The following SOX6 variants were observed in gnomAD, a reference collection of about 807,000 sequenced individuals.
The protein encoded by SOX6 is transcription factor SOX-6.
Under a neutral mutation model 97.8 loss-of-function variants are expected in SOX6, and 11 were observed. That is an observed-to-expected ratio of 0.11 (90% CI 0.07 to 0.19). The LOEUF (loss-of-function observed/expected upper bound fraction) is 0.19. Among genes scored for constraint, SOX6 ranks in the 10% least tolerant of loss-of-function variants. SOX6 has a pLI of 1.00. For missense variants in SOX6, 810 were observed against 1,039.5 expected, an observed-to-expected ratio of 0.78 and a Z score of 3.04; for synonymous variants, 360 against 371.4, an observed-to-expected ratio of 0.97 and a Z score of 0.35.
At chr11:16,219,574 A>G (rs1203964248) in intron 4 of SOX6, among the ~76,000 whole-genome samples, 3 of 152,088 alleles carry the variant, frequency 2.0e-5, no homozygotes, top group African/African-American at 7.2e-5. Context: ...TGCACTCAGT[A>G]GTAATTACTA....
chr11:16,683,784 C>T (rs1274861979), intron 3 of SOX6, among the ~76,000 whole-genome samples: 12 of 152,126 alleles, frequency 7.9e-5, no homozygotes, highest in African/African-American at 2.4e-4. Flanking sequence ...AAACTATCAT[C>T]GGAGTGAGCA....
chr11:16,032,870 G>A (rs938954014), intron 12 of SOX6, among the ~76,000 whole-genome samples: 2 of 152,096 alleles, frequency 1.3e-5, no homozygotes, highest in Admixed American at 6.6e-5. Flanking sequence ...CAGCCTGCCT[G>A]TCCTTCCTTT....
chr11:16,342,573 T>C (rs976361295), intron 1 of SOX6, among the ~76,000 whole-genome samples: 1 of 151,902 alleles, frequency 6.6e-6, no homozygotes, highest in Admixed American at 6.6e-5. Context: ...ACAGTTAAAT[T>C]TACAAATCTG....
chr11:16,540,258 C>T (rs966083423), intron 4 of SOX6, among the ~76,000 whole-genome samples: 2 of 152,180 alleles, frequency 1.3e-5, no homozygotes, highest in African/African-American at 2.4e-5. Context: ...AGGCCTTCGA[C>T]GAAATTCAAC....
chr11:16,173,692 TAGAAA>T (rs1293503038), intron 6 of SOX6, among the ~76,000 whole-genome samples: 2 of 151,134 alleles, frequency 1.3e-5, no homozygotes, highest in Non-Finnish European at 3.0e-5. Flanking sequence ...GAAAAATTAC[TAGAAA>T]AGAAGTTTTA....
At chr11:16,221,268 G>A (rs1335424926) in intron 4 of SOX6, among the ~76,000 whole-genome samples, 1 of 152,006 alleles carries the variant, frequency 6.6e-6, no homozygotes, top group African/African-American at 2.4e-5. Context: ...AAACTTTGTA[G>A]TCATTGTATT....
chr11:16,358,673 G>T (rs935807505), upstream of SOX6, among the ~76,000 whole-genome samples: 31 of 152,120 alleles, frequency 2.0e-4, no homozygotes, highest in Non-Finnish European at 1.5e-4. Context: ...TTCCTTTCAA[G>T]TAGTAGATAT....
chr11:16,736,075 T>C, intron 2 of SOX6, among the ~76,000 whole-genome samples: 1 of 152,196 alleles, frequency 6.6e-6, no homozygotes, highest in East Asian at 1.9e-4. Flanking sequence ...CATTGCTGAG[T>C]TTCTAGGCCT....
In SOX6 at chr11:16,054,754, T is replaced by C. The variant is rs145142560; in HGVS notation, c.1251+998A>G. 3.9e-5 allele frequency among the ~76,000 whole-genome samples: 6 copies of C among 152,316 alleles called. No homozygotes were observed. In the East Asian group the frequency reaches 1.2e-3, roughly 29 times the overall value. On this transcript the variant is annotated intron_variant, in intron 10 of 15. Coordinates refer to ENST00000683767, the MANE Select transcript of SOX6 (RefSeq NM_001367873.1). ...ACTTTAATCACATTACAATAAAGCA[T>C]TTGTACTTAGCATACTCCTCCAAGT...
intron 4 of SOX6, among the ~76,000 whole-genome samples, chr11:16,200,121 A>C (rs937572645): frequency 5.9e-5 from 9 of 152,166 alleles, no homozygotes; most frequent in Admixed American, 2.0e-4. Flanking sequence ...TTGTAGGAGA[A>C]TGTTTTCAGA....
chr11:16,119,495 T>C (rs1423329471), intron 6 of SOX6, among the ~76,000 whole-genome samples: 3 of 152,224 alleles, frequency 2.0e-5, no homozygotes, highest in Non-Finnish European at 4.4e-5. Context: ...CTGTGTTCTT[T>C]GCTGTTCACT....
rs1853239210 is a variant in SOX6, at chr11:15,969,370, T to C, written c.*3439A>G. 6.6e-6 allele frequency: 1 copy of C among 152,202 alleles called. No individual in the cohort carries two copies. The highest frequency in any genetic ancestry group is 2.1e-4 in the South Asian group (1 of 4,834). 9.4% of individuals were successfully genotyped at this position (152,202 alleles called of 1,614,324 possible). On this transcript the variant is annotated 3_prime_UTR_variant, in exon 16 of 16. Coordinates refer to ENST00000683767, the MANE Select transcript of SOX6 (RefSeq NM_001367873.1). ...TCACAGAACTATCTTAGAAGATTTA[T>C]GTAGACTCCCAAAGCAAACTGACTG...
At chr11:16,601,216 T>C (rs1848265036) in intron 4 of SOX6, among the ~76,000 whole-genome samples, 2 of 152,180 alleles carry the variant, frequency 1.3e-5, no homozygotes, top group South Asian at 4.1e-4. Context: ...GTGAAATAAC[T>C]TGATTAATTT....
intron 3 of SOX6, chr11:16,264,339 C>A (rs372307245): frequency 6.6e-6 from 1 of 151,850 alleles, no homozygotes; most frequent in African/African-American, 2.4e-5. Flanking sequence ...CAAAAGATGG[C>A]ATTCTATAAA....
At chr11:15,997,528 G>C (rs958700308) in intron 13 of SOX6, among the ~76,000 whole-genome samples, 2 of 152,116 alleles carry the variant, frequency 1.3e-5, no homozygotes, top group African/African-American at 4.8e-5. Context: ...TTTAACATTT[G>C]AAAATCAGAC....
At chr11:16,310,832 C>T (rs1251337199) in intron 3 of SOX6, among the ~76,000 whole-genome samples, 1 of 151,980 alleles carries the variant, frequency 6.6e-6, no homozygotes, top group East Asian at 1.9e-4. Context: ...ATATAACTTT[C>T]AATCAGAATA....
chr11:16,452,215 C>A (rs1266646669), intron 1 of SOX6, among the ~76,000 whole-genome samples: 2 of 151,958 alleles, frequency 1.3e-5, no homozygotes, highest in Non-Finnish European at 2.9e-5. Context: ...GGTATTTTAT[C>A]AAATAAATCC....
At chr11:16,352,163 C>T (rs1856963398) in intron 1 of SOX6, among the ~76,000 whole-genome samples, 1 of 151,638 alleles carries the variant, frequency 6.6e-6, no homozygotes, top group Non-Finnish European at 1.5e-5. Context: ...CTGCATATTC[C>T]CTGGCAAAGA....
chr11:16,279,768 T>C (rs1253625023), intron 3 of SOX6, among the ~76,000 whole-genome samples: 2 of 152,124 alleles, frequency 1.3e-5, no homozygotes, highest in Admixed American at 1.3e-4. Flanking sequence ...TTTATTTGAT[T>C]TAGTTTTTGA....
Sources: gnomAD v4.1 joint callset for allele counts (sites outside exome capture counted in the v4.1 genomes callset) on GRCh38, gnomAD v4.1.1 for gene constraint, MANE v1.5 for transcripts, NCBI Gene and HGNC (gene_info 2026-07-23, HGNC 2026-07-21) for gene names.